KCNQ5: variants seen among roughly 807,000 people sequenced by gnomAD.
KCNQ5 encodes potassium voltage-gated channel subfamily KQT member 5.
Under a neutral mutation model 98.2 loss-of-function variants are expected in KCNQ5, and 30 were observed. The ratio of observed to expected loss-of-function variants is 0.31; its 90% CI spans 0.23 to 0.41. The LOEUF (loss-of-function observed/expected upper bound fraction) is 0.41, where lower values mean the gene tolerates loss of function less well. KCNQ5 is among the 10% of genes least tolerant of loss of function. KCNQ5 has a pLI of 1.00. For synonymous variants in KCNQ5, 458 were observed against 449.4 expected, an observed-to-expected ratio of 1.02 and a Z score of -0.24; for missense variants, 835 against 1,182.5, an observed-to-expected ratio of 0.71 and a Z score of 4.31.
At chr6:73,124,964 TATATATATATATATATACACAC>T (rs1201607971) in intron 9 of KCNQ5, among the ~76,000 whole-genome samples, 688 of 19,656 alleles carry the variant, frequency 0.035, 20 homozygotes, top group South Asian at 0.13. Flanking sequence ...TATATATATA[TATATATATATATATATACACAC>T]ACACACATAT....
At chr6:72,623,391 A>AGTGTGTGTGTGTGTGT (rs1214797915) in intron 1 of KCNQ5, among the ~76,000 whole-genome samples, 6,889 of 142,984 alleles carry the variant, frequency 0.048, 189 homozygotes, top group Middle Eastern at 0.093. Context: ...GGAGTCAAAG[A>AGTGTGTGTGTGTGTGT]GTGTGTGTGT....
intron 3 of KCNQ5, among the ~76,000 whole-genome samples, chr6:73,047,571 C>T (rs539048982): frequency 2.6e-5 from 4 of 152,310 alleles, no homozygotes; most frequent in African/African-American, 9.6e-5. Flanking sequence ...GGTTGGACCA[C>T]ATGAAGAAAA....
In KCNQ5 at chr6:73,036,771, T is replaced by G. The variant is rs1038212105; in HGVS notation, c.490-5165T>G. 2.6e-5 allele frequency among the ~76,000 whole-genome samples: 4 copies of G among 152,182 alleles called. No individual in the cohort carries two copies. In the South Asian group the frequency reaches 8.3e-4, roughly 31 times the overall value. On this transcript the variant is annotated intron_variant, in intron 2 of 13. Coordinates refer to ENST00000370398, the MANE Select transcript of KCNQ5 (RefSeq NM_019842.4). Reference sequence around the variant, plus strand: ...TGGTGAAGGACATCTGGGCTGTTTTTGGGGTCTGGTCATTATGAATACTTC... The same window carrying G: ...TGGTGAAGGACATCTGGGCTGTTTTGGGGGTCTGGTCATTATGAATACTTC...
chr6:72,665,532 T>C (rs1766769597), intron 1 of KCNQ5, among the ~76,000 whole-genome samples: 1 of 152,170 alleles, frequency 6.6e-6, no homozygotes, highest in African/African-American at 2.4e-5. Context: ...ACTAGTTCTG[T>C]ATGGATTATT....
intron 1 of KCNQ5, among the ~76,000 whole-genome samples, chr6:72,880,060 T>A (rs541281930): frequency 9.9e-5 from 15 of 152,270 alleles, no homozygotes; most frequent in African/African-American, 3.6e-4. Context: ...CTCCATATGA[T>A]AATCAAATCA....
intron 1 of KCNQ5, among the ~76,000 whole-genome samples, chr6:72,663,240 G>A (rs1414382687): frequency 1.3e-5 from 2 of 152,118 alleles, no homozygotes; most frequent in Non-Finnish European, 2.9e-5. Context: ...TAACAAACCT[G>A]CACGTTCTGC....
intron 1 of KCNQ5, among the ~76,000 whole-genome samples, chr6:72,758,593 A>G (rs1046569975): frequency 2.6e-5 from 4 of 152,186 alleles, no homozygotes; most frequent in African/African-American, 9.6e-5. Flanking sequence ...GCCAGAATAT[A>G]GCAAGAAGCT....
chr6:72,956,558 A>G (rs376182629), intron 1 of KCNQ5, among the ~76,000 whole-genome samples: 2 of 31,416 alleles, frequency 6.4e-5, no homozygotes, highest in African/African-American at 1.4e-4. Context: ...TATTTTTTTT[A>G]TTTTTTTATT....
chr6:72,934,502 A>G (rs887330637), intron 1 of KCNQ5, among the ~76,000 whole-genome samples: 1 of 152,220 alleles, frequency 6.6e-6, no homozygotes, highest in Non-Finnish European at 1.5e-5. Flanking sequence ...CGGTCACACA[A>G]TTAGTAAATT....
intron 1 of KCNQ5, among the ~76,000 whole-genome samples, chr6:72,668,517 T>A (rs1423206431): frequency 6.6e-6 from 1 of 152,090 alleles, no homozygotes; most frequent in African/African-American, 2.4e-5. Context: ...AGTTTTTTTG[T>A]GAGCATAACA....
chr6:73,038,852 C>A (rs1771563760), intron 2 of KCNQ5, among the ~76,000 whole-genome samples: 1 of 152,040 alleles, frequency 6.6e-6, no homozygotes, highest in Non-Finnish European at 1.5e-5. Flanking sequence ...CAGGATAATA[C>A]TGACTTCATA....
chr6:72,986,404 AG>A, intron 1 of KCNQ5: 1 of 446,314 alleles, frequency 2.2e-6, no homozygotes. Flanking sequence ...CTCCCAGAGA[AG>A]AAAAAGAAGA....
At chr6:73,019,711 T>C (rs1179271804) in intron 2 of KCNQ5, among the ~76,000 whole-genome samples, 9 of 152,304 alleles carry the variant, frequency 5.9e-5, no homozygotes, top group African/African-American at 1.7e-4. Context: ...TAAAGGGAAC[T>C]ATCAGGCAGT....
chr6:72,973,604 T>G (rs1201694533), intron 1 of KCNQ5, among the ~76,000 whole-genome samples: 2 of 152,210 alleles, frequency 1.3e-5, no homozygotes, highest in African/African-American at 2.4e-5. Flanking sequence ...ATACCTATTA[T>G]GAGTAATAGT....
rs574723980 is a variant in KCNQ5, at chr6:72,922,039, C to G, written c.399-81869C>G. 9.2e-5 allele frequency among the ~76,000 whole-genome samples: 14 copies of G among 152,262 alleles called. No homozygotes were observed. In the East Asian group the frequency reaches 2.7e-3, roughly 29 times the overall value. On this transcript the variant is annotated intron_variant, in intron 1 of 13. Coordinates refer to ENST00000370398, the MANE Select transcript of KCNQ5 (RefSeq NM_019842.4). ...GCCAAGAAAATCCATTTACTTACAGCTTTTGGTGGTATGTAACTAGCAATT... is the reference window on the plus strand; with the variant it reads ...GCCAAGAAAATCCATTTACTTACAGGTTTTGGTGGTATGTAACTAGCAATT...
intron 1 of KCNQ5, among the ~76,000 whole-genome samples, chr6:72,733,362 T>C (rs762211873): frequency 4.6e-5 from 7 of 152,202 alleles, no homozygotes; most frequent in South Asian, 2.1e-4. Context: ...AGAGCCACCA[T>C]ACTTATTGGA....
At chr6:73,129,749 G>T (rs779345740) in intron 9 of KCNQ5, 5 of 1,542,306 alleles carry the variant, frequency 3.2e-6, no homozygotes, top group East Asian at 2.3e-5. Flanking sequence ...TTTCCTATTC[G>T]TGAAATGCTT....
intron 3 of KCNQ5, among the ~76,000 whole-genome samples, chr6:73,072,030 G>C (rs1001378928): frequency 6.6e-6 from 1 of 152,216 alleles, no homozygotes; most frequent in Admixed American, 6.5e-5. Context: ...AAAAAAATGT[G>C]GTGGGAGAGG....
At chr6:72,740,239 A>C (rs758564718) in intron 1 of KCNQ5, among the ~76,000 whole-genome samples, 4 of 152,198 alleles carry the variant, frequency 2.6e-5, no homozygotes, top group Non-Finnish European at 5.9e-5. Context: ...AAAGCATTGG[A>C]AGTAAGAGAC....
Sources: allele counts gnomAD v4.1 joint callset (sites outside exome capture counted in the v4.1 genomes callset), GRCh38; gene constraint gnomAD v4.1.1; transcripts MANE v1.5; gene names NCBI Gene and HGNC (gene_info 2026-07-23, HGNC 2026-07-21).